RNF115: variants seen among roughly 807,000 people sequenced by gnomAD.
RNF115 encodes the protein ring finger protein 115.
RNF115 carries 31 observed loss-of-function variants against 39.2 expected under a neutral mutation model. The observed-to-expected ratio is 0.79, with a 90% CI of 0.59 to 1.07. RNF115 has a LOEUF of 1.07. Among genes scored for constraint, RNF115 ranks in the 50% least tolerant of loss-of-function variants. The probability of loss-of-function intolerance (pLI) is 0.00; values close to 1 mark genes in which losing one functional copy is unlikely to be tolerated. For synonymous variants in RNF115, 124 were observed against 131.0 expected, an observed-to-expected ratio of 0.95 and a Z score of 0.37; for missense variants, 384 against 381.7, an observed-to-expected ratio of 1.01 and a Z score of -0.05.
chr1:145,756,622 ATTCG>A (rs1658303433), intron 4 of RNF115, among the ~76,000 whole-genome samples: 1 of 152,260 alleles, frequency 6.6e-6, no homozygotes, highest in South Asian at 2.1e-4. Context: ...AAAGGAATTT[ATTCG>A]TTCACTGATG....
intron 2 of RNF115, chr1:145,786,914 A>T: frequency 2.1e-6 from 1 of 471,272 alleles, no homozygotes. Flanking sequence ...ATTTAACTGT[A>T]TCAAAATAGA....
intron 4 of RNF115, among the ~76,000 whole-genome samples, chr1:145,771,164 A>T (rs1647618670): frequency 1.3e-5 from 2 of 152,224 alleles, no homozygotes; most frequent in Non-Finnish European, 2.9e-5. Context: ...TGAAAGGTGG[A>T]GACTTTAAGA....
intron 4 of RNF115, among the ~76,000 whole-genome samples, chr1:145,763,773 G>A (rs980443726): frequency 6.6e-6 from 1 of 152,132 alleles, no homozygotes; most frequent in Admixed American, 6.5e-5. Flanking sequence ...AGACTAATGG[G>A]TGGTAATCTC....
At chr1:145,802,870 T>C (rs1553721061) in intron 1 of RNF115, among the ~76,000 whole-genome samples, 1 of 152,078 alleles carries the variant, frequency 6.6e-6, no homozygotes, top group East Asian at 2.0e-4. Flanking sequence ...TTTACTCTGA[T>C]GCTAAGTCTC....
chr1:145,763,111 T>C (rs1553714081), intron 4 of RNF115, among the ~76,000 whole-genome samples: 1 of 152,140 alleles, frequency 6.6e-6, no homozygotes, highest in Non-Finnish European at 1.5e-5. Flanking sequence ...CATCACACAA[T>C]ATACCCGTGT....
intron 4 of RNF115, among the ~76,000 whole-genome samples, chr1:145,771,177 T>C (rs1301174823): frequency 6.6e-6 from 1 of 152,240 alleles, no homozygotes; most frequent in African/African-American, 2.4e-5. Flanking sequence ...CTTTAAGAGA[T>C]GAATCTCCTG....
intron 1 of RNF115, among the ~76,000 whole-genome samples, chr1:145,808,667 G>A (rs1649565415): frequency 6.6e-6 from 1 of 152,038 alleles, no homozygotes; most frequent in African/African-American, 2.4e-5. Context: ...AATAGTTTTT[G>A]CACTATATCA....
At chr1:145,762,468 C>G (rs587659275) in intron 4 of RNF115, among the ~76,000 whole-genome samples, 1 of 150,968 alleles carries the variant, frequency 6.6e-6, no homozygotes, top group South Asian at 2.1e-4. Flanking sequence ...AGGCCCCAAT[C>G]AAATGTATCT....
At chr1:145,793,839 TTTC>T (rs1291645831) in intron 1 of RNF115, among the ~76,000 whole-genome samples, 6 of 149,288 alleles carry the variant, frequency 4.0e-5, no homozygotes, top group African/African-American at 7.5e-5. Flanking sequence ...TCTTACCCTC[TTTC>T]TTTTTTTTTT....
chr1:145,822,748 T>C (rs1257216489), intron 1 of RNF115, among the ~76,000 whole-genome samples: 6 of 144,840 alleles, frequency 4.1e-5, no homozygotes, highest in Non-Finnish European at 8.9e-5. Flanking sequence ...TGCTGGCTAG[T>C]ATGCTGCATA....
Position 145,823,683 on chromosome 1 carries a change from T to C in RNF115, c.102+89A>G, listed in dbSNP as rs1482627772. The C allele has an allele frequency of 1.7e-5, 18 of 1,053,516 alleles. No individual in the cohort carries two copies. In the East Asian group the frequency reaches 3.0e-4, roughly 17 times the overall value. The allele number at this position is 1,053,516 out of a possible 1,614,324, so 65.3% of individuals were successfully genotyped here. A position where few individuals can be genotyped will look rare whatever the true frequency, so the allele number is the denominator to read the frequency against. ...GGCAGACCGATGTCGGGCGAGTCAATGATGTGCAGAAAGCTCCAGACCCAG... is the reference window on the plus strand; with the variant it reads ...GGCAGACCGATGTCGGGCGAGTCAACGATGTGCAGAAAGCTCCAGACCCAG... On this transcript the variant is annotated intron_variant, in intron 1 of 8. Coordinates refer to ENST00000582693, the MANE Select transcript of RNF115 (RefSeq NM_014455.4).
chr1:145,772,077 T>C, intron 3 of RNF115, 158 bp from the exon 4 acceptor site: 2 of 624,128 alleles, frequency 3.2e-6, no homozygotes, highest in Non-Finnish European at 5.6e-6. Context: ...TCTGTAAAAC[T>C]ATTACATGAT....
rs1335302215 is a variant in RNF115, at chr1:145,792,523, C to T, written c.103-3557G>A. Among the ~76,000 whole-genome samples the T allele has an allele frequency of 2.0e-5, 3 of 151,936 alleles. No homozygotes were observed. The East Asian group carries it at 5.8e-4, about 29-fold the overall frequency. On this transcript the variant is annotated intron_variant, in intron 1 of 8. Transcript: ENST00000582693. Reference sequence around the variant, plus strand: ...AAAAGAAAAAAAAAATCCCTCATGTCAAAAAGATTAGTTTCTTGAGGAGAC... The same window carrying T: ...AAAAGAAAAAAAAAATCCCTCATGTTAAAAAGATTAGTTTCTTGAGGAGAC...
intron 2 of RNF115, among the ~76,000 whole-genome samples, chr1:145,785,327 T>A (rs1215907771): frequency 6.6e-6 from 1 of 152,234 alleles, no homozygotes; most frequent in Non-Finnish European, 1.5e-5. Context: ...TGTAGAGTGT[T>A]TAAGTGTCAG....
At chr1:145,755,648 A>G (rs1658266730) in intron 4 of RNF115, among the ~76,000 whole-genome samples, 1 of 152,136 alleles carries the variant, frequency 6.6e-6, no homozygotes, top group African/African-American at 2.4e-5. Flanking sequence ...AAAGACCCAA[A>G]ACTTGAGAGT....
At chr1:145,786,817 T>C (rs1252048201) in intron 2 of RNF115, among the ~76,000 whole-genome samples, 1 of 152,246 alleles carries the variant, frequency 6.6e-6, no homozygotes, top group Non-Finnish European at 1.5e-5. Context: ...CAAGTTAGCA[T>C]GCCATCCACA....
chr1:145,804,980 T>C (rs1210981910), intron 1 of RNF115, among the ~76,000 whole-genome samples: 1 of 152,130 alleles, frequency 6.6e-6, no homozygotes, highest in Non-Finnish European at 1.5e-5. Flanking sequence ...GCAGTTCAAT[T>C]TTCAAATTAA....
At chr1:145,814,295 C>T (rs1314915772) in intron 1 of RNF115, among the ~76,000 whole-genome samples, 2 of 151,790 alleles carry the variant, frequency 1.3e-5, no homozygotes, top group African/African-American at 4.8e-5. Flanking sequence ...CAGACTTTGC[C>T]AAATGTTCCC....
chr1:145,771,350 T>C, intron 4 of RNF115, among the ~76,000 whole-genome samples: 1 of 152,324 alleles, frequency 6.6e-6, no homozygotes, highest in South Asian at 2.1e-4. Flanking sequence ...TCGCCAGATG[T>C]GGATCCCTCA....
Sources: allele counts gnomAD v4.1 joint callset (sites outside exome capture counted in the v4.1 genomes callset), GRCh38; gene constraint gnomAD v4.1.1; transcripts MANE v1.5; gene names NCBI Gene and HGNC (gene_info 2026-07-23, HGNC 2026-07-21).